Variants in ROBO2 observed in about 807,000 individuals in gnomAD.
The protein encoded by ROBO2 is roundabout homolog 2.
In ROBO2, 53 loss-of-function variants were observed where a neutral mutation model predicts 160.8. That is an observed-to-expected ratio of 0.33 (90% CI 0.26 to 0.41). ROBO2 has a LOEUF of 0.41. Ranked by LOEUF, ROBO2 falls within the 10% of genes least tolerant of loss-of-function variation. The probability of loss-of-function intolerance (pLI) is 1.00; values close to 1 mark genes in which losing one functional copy is unlikely to be tolerated. For synonymous variants in ROBO2, 664 were observed against 611.7 expected (o/e 1.09, Z -1.26); for missense variants, 1,577 against 1,722.4 (o/e 0.92, Z 1.49).
intron 2 of ROBO2, among the ~76,000 whole-genome samples, chr3:76,647,510 A>G (rs2091035065): frequency 6.6e-6 from 1 of 152,222 alleles, no homozygotes; most frequent in African/African-American, 2.4e-5. Context: ...AAAGTAAAAG[A>G]AAGAAAAAAT....
chr3:77,362,436 A>G (rs2070164881), intron 2 of ROBO2, among the ~76,000 whole-genome samples: 1 of 152,276 alleles, frequency 6.6e-6, no homozygotes, highest in African/African-American at 2.4e-5. Context: ...GTGATTAGGT[A>G]TCATCTGGGG....
chr3:76,777,722 A>G (rs898888097), intron 2 of ROBO2, among the ~76,000 whole-genome samples: 1 of 151,018 alleles, frequency 6.6e-6, no homozygotes, highest in Non-Finnish European at 1.5e-5. Context: ...AAAGACCCGT[A>G]CCTCTGGTTC....
exon 7 of ROBO2, chr3:77,546,384 A>G: frequency 6.2e-7 from 1 of 1,613,310 alleles, no homozygotes; most frequent in South Asian, 1.1e-5. Context: ...TTGTTGCTCA[A>G]GGTCGAACAG....
intron 2 of ROBO2, among the ~76,000 whole-genome samples, chr3:76,604,678 A>G (rs1041053693): frequency 6.6e-6 from 1 of 152,174 alleles, no homozygotes; most frequent in African/African-American, 2.4e-5. Context: ...TATTGTAGTT[A>G]TGCTACTCAA....
chr3:77,369,475 A>T (rs1173198675), intron 2 of ROBO2, among the ~76,000 whole-genome samples: 1 of 152,178 alleles, frequency 6.6e-6, no homozygotes, highest in Non-Finnish European at 1.5e-5. Context: ...ATCTTGTATA[A>T]TGTTGAGTGA....
chr3:77,525,825 G>C (rs956498271), intron 6 of ROBO2, among the ~76,000 whole-genome samples: 1 of 146,878 alleles, frequency 6.8e-6, no homozygotes, highest in Non-Finnish European at 1.5e-5. Context: ...CACTCAAAAC[G>C]CCTTTTTGTT....
intron 2 of ROBO2, among the ~76,000 whole-genome samples, chr3:77,159,418 G>T (rs1003874081): frequency 2.0e-4 from 30 of 152,096 alleles, no homozygotes; most frequent in South Asian, 8.3e-4. Context: ...GTTTTAGCAG[G>T]TTCCCTGATA....
intron 2 of ROBO2, among the ~76,000 whole-genome samples, chr3:76,055,726 T>C (rs1321588401): frequency 1.3e-5 from 2 of 152,220 alleles, no homozygotes; most frequent in Non-Finnish European, 2.9e-5. Context: ...TTTTTTTTTA[T>C]CTAATCAACT....
chr3:76,434,213 T>G, intron 2 of ROBO2: 1 of 1,070,000 alleles, frequency 9.3e-7, no homozygotes, highest in East Asian at 2.4e-5. Flanking sequence ...TGCAGAAATA[T>G]GCAGAGATGG....
intron 2 of ROBO2, among the ~76,000 whole-genome samples, chr3:76,145,355 C>T (rs1327275253): frequency 4.6e-5 from 7 of 151,994 alleles, no homozygotes; most frequent in Non-Finnish European, 7.4e-5. Flanking sequence ...ATGCTGTGAA[C>T]TGAAATGTTG....
At chr3:77,574,703 T>C in exon 14 of ROBO2, 1 of 1,613,042 alleles carries the variant, frequency 6.2e-7, no homozygotes, top group Non-Finnish European at 8.5e-7. Context: ...GGATAGTGAA[T>C]CTAAAACGGT....
At chr3:76,760,015 T>C (rs545204157) in intron 2 of ROBO2, among the ~76,000 whole-genome samples, 4 of 151,816 alleles carry the variant, frequency 2.6e-5, no homozygotes, top group African/African-American at 9.6e-5. Flanking sequence ...GTTCCAACTC[T>C]AACAGAAGGA....
intron 2 of ROBO2, chr3:76,311,157 T>C (rs2107782990): frequency 6.6e-6 from 1 of 152,268 alleles, no homozygotes; most frequent in Admixed American, 6.5e-5. Context: ...CAGGGCTACA[T>C]CAGGAAGCTG....
chr3:77,483,679 A>G (rs1310760292), intron 4 of ROBO2, among the ~76,000 whole-genome samples: 1 of 149,474 alleles, frequency 6.7e-6, no homozygotes, highest in Non-Finnish European at 1.5e-5. Context: ...AACAAGTTAC[A>G]TTTTGTTGTT....
intron 2 of ROBO2, among the ~76,000 whole-genome samples, chr3:76,345,797 A>C (rs768836143): frequency 1.3e-5 from 2 of 152,124 alleles, no homozygotes; most frequent in Non-Finnish European, 2.9e-5. Flanking sequence ...AGTTTTATTT[A>C]TGAAATTTCC....
intron 2 of ROBO2, among the ~76,000 whole-genome samples, chr3:77,233,312 C>T (rs1301150291): frequency 6.6e-6 from 1 of 151,336 alleles, no homozygotes; most frequent in Non-Finnish European, 1.5e-5. Flanking sequence ...ATAATCCTTG[C>T]CCCCCCCTCC....
intron 2 of ROBO2, among the ~76,000 whole-genome samples, chr3:76,337,208 C>G (rs963167163): frequency 6.6e-6 from 1 of 152,124 alleles, no homozygotes; most frequent in African/African-American, 2.4e-5. Flanking sequence ...AATCAAAGCT[C>G]CCTTGGCCCA....
At chr3:76,412,594 C>A (rs527868004) in intron 2 of ROBO2, among the ~76,000 whole-genome samples, 16 of 152,300 alleles carry the variant, frequency 1.1e-4, no homozygotes, top group Middle Eastern at 3.4e-3. Context: ...AAAGGGGCTA[C>A]AAGGACCATG....
chr3:77,130,241 G>T (rs190884421), intron 2 of ROBO2, among the ~76,000 whole-genome samples: 1 of 152,166 alleles, frequency 6.6e-6, no homozygotes, highest in Non-Finnish European at 1.5e-5. Flanking sequence ...CGTCTCCTTT[G>T]CAAAGCTTCT....
Sources: allele counts gnomAD v4.1 joint callset (sites outside exome capture counted in the v4.1 genomes callset), GRCh38; gene constraint gnomAD v4.1.1; transcripts MANE v1.5; gene names NCBI Gene and HGNC (gene_info 2026-07-23, HGNC 2026-07-21).